Variants in TSPAN9 observed in about 807,000 individuals in gnomAD.
TSPAN9 encodes the protein tetraspanin 9.
TSPAN9 carries 16 observed loss-of-function variants against 31.0 expected under a neutral mutation model. The ratio of observed to expected loss-of-function variants is 0.52; its 90% confidence interval spans 0.35 to 0.78. TSPAN9 has a LOEUF of 0.78. Among genes scored for constraint, TSPAN9 ranks in the 30% least tolerant of loss-of-function variants. TSPAN9 has a pLI of 0.01. For synonymous variants in TSPAN9, 145 were observed against 121.6 expected (o/e 1.19, Z -1.27); for missense variants, 272 against 312.5 (o/e 0.87, Z 0.98).
chr12:3,100,725 C>T (rs948589950), intron 2 of TSPAN9, among the ~76,000 whole-genome samples: 6 of 152,174 alleles, frequency 3.9e-5, no homozygotes, highest in African/African-American at 1.4e-4. Flanking sequence ...GTGGGTGCCT[C>T]TAGGAAACAC....
intron 2 of TSPAN9, among the ~76,000 whole-genome samples, chr12:3,163,644 A>G (rs1383613156): frequency 1.3e-5 from 2 of 152,210 alleles, no homozygotes; most frequent in East Asian, 1.9e-4. Flanking sequence ...TGGGTTTCAC[A>G]TCCTGGAGTA....
intron 2 of TSPAN9, among the ~76,000 whole-genome samples, chr12:3,090,134 A>C (rs1028516302): frequency 3.9e-5 from 6 of 152,164 alleles, no homozygotes; most frequent in African/African-American, 1.2e-4. Context: ...AATTTCCATA[A>C]ATAGAATTGA....
In TSPAN9 at chr12:3,138,626, G is replaced by A. The variant is rs537296561; in HGVS notation, c.-18+54907G>A. On this transcript the variant is annotated intron_variant, in intron 2 of 8. Transcript: ENST00000011898. ...ACTATAGGCACGTGCCACCATATCC[G>A]CCATACAAAAAAAAAAAAAGGACTT... Among the ~76,000 whole-genome samples the A allele has an allele frequency of 2.5e-3, 272 of 107,102 alleles. 1 individual carries two copies. Among genetic ancestry groups the A allele is most frequent in the South Asian group, 3.5e-3 (9 of 2,556 alleles). The allele number at this position is 107,102 out of a possible 152,430, so 70.3% of individuals were successfully genotyped here. A position where few individuals can be genotyped will look rare whatever the true frequency, so the allele number is the denominator to read the frequency against.
At chr12:3,137,438 T>C (rs2335814) in intron 2 of TSPAN9, among the ~76,000 whole-genome samples, 91,390 of 152,170 alleles carry the variant, frequency 0.6, 27,734 homozygotes, top group Admixed American at 0.65. Context: ...CTGCCTCCCA[T>C]GTGGCTTCAC....
chr12:3,174,620 T>G (rs569668977), intron 2 of TSPAN9, among the ~76,000 whole-genome samples: 7 of 152,330 alleles, frequency 4.6e-5, no homozygotes, highest in Non-Finnish European at 1.0e-4. Flanking sequence ...TCTCACTCTG[T>G]CGCCCAGGCT....
chr12:3,198,381 AC>A (rs1414882890), intron 2 of TSPAN9, among the ~76,000 whole-genome samples: 12 of 86,334 alleles, frequency 1.4e-4, no homozygotes, highest in African/African-American at 1.7e-4. Context: ...AGCACAGGCC[AC>A]CACCAGCACA....
intron 2 of TSPAN9, among the ~76,000 whole-genome samples, chr12:3,116,724 C>T (rs1565581440): frequency 6.6e-6 from 1 of 152,194 alleles, no homozygotes; most frequent in East Asian, 1.9e-4. Flanking sequence ...CATCCTTTGG[C>T]CGTGCCTCTG....
intron 3 of TSPAN9, among the ~76,000 whole-genome samples, chr12:3,263,985 G>A (rs1246449306): frequency 6.6e-6 from 1 of 152,218 alleles, no homozygotes; most frequent in African/African-American, 2.4e-5. Flanking sequence ...TGAAGAGCAA[G>A]GAGGCTCTGT....
intron 2 of TSPAN9, among the ~76,000 whole-genome samples, chr12:3,101,196 A>G (rs1378574962): frequency 1.3e-5 from 2 of 152,136 alleles, no homozygotes; most frequent in African/African-American, 2.4e-5. Context: ...GGGGCATAAT[A>G]ACAGTTTTCC....
At chr12:3,094,520 CTTG>C (rs1169208072) in intron 2 of TSPAN9, among the ~76,000 whole-genome samples, 73 of 145,372 alleles carry the variant, frequency 5.0e-4, no homozygotes, top group African/African-American at 1.1e-3. Flanking sequence ...AATCAATTAT[CTTG>C]TTGTTGTTGT....
At chr12:3,217,328 A>C (rs762252725) in intron 3 of TSPAN9, among the ~76,000 whole-genome samples, 2 of 152,090 alleles carry the variant, frequency 1.3e-5, no homozygotes, top group African/African-American at 2.4e-5. Context: ...ACTCTACGTG[A>C]CCGGCAAGGG....
intron 3 of TSPAN9, among the ~76,000 whole-genome samples, chr12:3,234,068 G>A (rs141337318): frequency 8.5e-4 from 130 of 152,282 alleles, no homozygotes; most frequent in Non-Finnish European, 1.5e-3. Flanking sequence ...AGACGTCCTC[G>A]AAGATCTAAT....
At chr12:3,198,414 C>T (rs1341142723) in intron 2 of TSPAN9, among the ~76,000 whole-genome samples, 2 of 71,516 alleles carry the variant, frequency 2.8e-5, no homozygotes, top group African/African-American at 9.1e-5. Flanking sequence ...GCACAGGTCA[C>T]ACCAGCACAG....
intron 2 of TSPAN9, among the ~76,000 whole-genome samples, chr12:3,110,129 G>T (rs536253494): frequency 6.6e-6 from 1 of 152,266 alleles, no homozygotes; most frequent in Non-Finnish European, 1.5e-5. Flanking sequence ...CCGGGAGTGG[G>T]CTTTTTCTGT....
intron 3 of TSPAN9, among the ~76,000 whole-genome samples, chr12:3,263,231 C>A (rs1055500022): frequency 1.3e-5 from 2 of 152,142 alleles, no homozygotes; most frequent in Non-Finnish European, 2.9e-5. Context: ...CTGGAGAGGG[C>A]TTTGGATATT....
chr12:3,249,600 T>C (rs1862208867), intron 3 of TSPAN9, among the ~76,000 whole-genome samples: 1 of 152,220 alleles, frequency 6.6e-6, no homozygotes, highest in Admixed American at 6.5e-5. Flanking sequence ...ATGTCTGACT[T>C]GTCCACAAGG....
At position 3,192,894 on chromosome 12, in the gene TSPAN9, T is replaced by C. The variant is rs2098365165; in HGVS notation, c.-17-8283T>C. Among the ~76,000 whole-genome samples, 1 of 152,210 alleles carries C rather than the reference T, an allele frequency of 6.6e-6. No homozygotes were observed. Among genetic ancestry groups the C allele is most frequent in the African/African-American group, 2.4e-5 (1 of 41,454 alleles). On this transcript the variant is annotated intron_variant, in intron 2 of 8. Coordinates refer to ENST00000011898, the MANE Select transcript of TSPAN9 (RefSeq NM_006675.5). The surrounding 1 kb of genome is among the most constrained non-coding windows in gnomAD (Gnocchi z 4.6). ...TTTCTCTGTTCAGCTACACTGTAGC[T>C]AGACAGGAGCTGGTTCCATGTTGAC...
chr12:3,092,395 A>G (rs1054659363), intron 2 of TSPAN9, among the ~76,000 whole-genome samples: 3 of 152,208 alleles, frequency 2.0e-5, no homozygotes, highest in African/African-American at 7.2e-5. Flanking sequence ...AGAGAGCTTT[A>G]GCCAAGTGTA....
chr12:3,282,832 C>T (rs1176025912), intron 8 of TSPAN9, among the ~76,000 whole-genome samples: 2 of 152,246 alleles, frequency 1.3e-5, no homozygotes, highest in East Asian at 1.9e-4. Context: ...CTAACAGCCC[C>T]ACGAGGCTGA....
Sources: gnomAD v4.1 joint callset for allele counts (sites outside exome capture counted in the v4.1 genomes callset) on GRCh38, gnomAD v4.1.1 for gene constraint, Gnocchi (gnomAD v3.1) non-coding constraint, MANE v1.5 for transcripts, NCBI Gene and HGNC (gene_info 2026-07-23, HGNC 2026-07-21) for gene names.